Variants in SLC22A24 observed in about 807,000 individuals in gnomAD.
SLC22A24 encodes the protein solute carrier family 22 member 24.
Under a neutral mutation model 49.8 loss-of-function variants are expected in SLC22A24, and 53 were observed. The ratio of observed to expected loss-of-function variants is 1.06; its 90% CI spans 0.85 to 1.34. SLC22A24 has a LOEUF of 1.34. SLC22A24 is among the 40% of genes most tolerant of loss of function. The pLI is 0.00. For missense variants in SLC22A24, 786 were observed against 675.9 expected (o/e 1.16, Z -1.81); for synonymous variants, 302 against 256.4 (o/e 1.18, Z -1.70).
intron 1 of SLC22A24, among the ~76,000 whole-genome samples, chr11:63,143,039 A>G (rs1055030998): frequency 6.6e-6 from 1 of 152,236 alleles, no homozygotes; most frequent in Non-Finnish European, 1.5e-5. Flanking sequence ...GTGGATATTT[A>G]TGTTACAGAA....
chr11:63,123,247 G>C (rs1372877985), intron 2 of SLC22A24, among the ~76,000 whole-genome samples: 1 of 152,108 alleles, frequency 6.6e-6, no homozygotes, highest in African/African-American at 2.4e-5. Flanking sequence ...GGGTAACTTT[G>C]AAACCTGAAA....
At chr11:63,090,850 C>T (rs913106190) in intron 6 of SLC22A24, among the ~76,000 whole-genome samples, 2 of 151,940 alleles carry the variant, frequency 1.3e-5, no homozygotes, top group African/African-American at 4.8e-5. Flanking sequence ...AACTGACATT[C>T]TAATATCACA....
rs146371073 is a variant in SLC22A24 at position 63,117,417 on chromosome 11, T to C, written c.830+1495A>G. Among the ~76,000 whole-genome samples, 242 of 152,306 alleles carry C rather than the reference T, an allele frequency of 1.6e-3. 6 individuals carry two copies. Among genetic ancestry groups the C allele is most frequent in the East Asian group, 0.013 (65 of 5,180 alleles). ...TCTTTATTGAGAGGCTCTGAGTATG[T>C]GACACTCAGTCAGGCAGTTTACATC... On this transcript the variant is annotated intron_variant, in intron 4 of 9. Coordinates refer to ENST00000612278, the MANE Select transcript of SLC22A24 (RefSeq NM_001136506.2).
chr11:63,107,359 G>A (rs2087128430), intron 4 of SLC22A24, among the ~76,000 whole-genome samples: 1 of 152,154 alleles, frequency 6.6e-6, no homozygotes, highest in Admixed American at 6.6e-5. Flanking sequence ...TTGAAGTCAG[G>A]TAGTGTGATG....
intron 1 of SLC22A24, among the ~76,000 whole-genome samples, chr11:63,140,070 T>G (rs2087403888): frequency 8.7e-6 from 1 of 115,196 alleles, no homozygotes; most frequent in Non-Finnish European, 1.8e-5. Context: ...TTTTTTTGTT[T>G]TTTTGTTTTT....
In SLC22A24 at chr11:63,079,951, T is replaced by C; in HGVS notation, c.1648A>G (p.Thr550Ala). The C allele has an allele frequency of 6.5e-7, 1 of 1,544,546 alleles. No homozygotes were observed. Among genetic ancestry groups the C allele is most frequent in the African/African-American group, 1.4e-5 (1 of 73,042 alleles). ...IKQEDTCMKVTQF is the reference protein window; with the variant it reads ...IKQEDTCMKVAQF ...GTCTTGGGAATCTCTTAAAACTGTG[T>C]TACTTTCATGCAAGTATCTTCCTGC... Residue 550 changes from threonine (T) to alanine (A), a missense_variant, in exon 10 of 10, where the codon ACA becomes GCA. Transcript: ENST00000612278.
At chr11:63,105,659 C>G (rs1392158477) in intron 4 of SLC22A24, among the ~76,000 whole-genome samples, 4 of 152,090 alleles carry the variant, frequency 2.6e-5, no homozygotes, top group Non-Finnish European at 5.9e-5. Flanking sequence ...GCAGGGGTCC[C>G]TTGGTTTAGC....
intron 5 of SLC22A24, among the ~76,000 whole-genome samples, chr11:63,099,697 T>C (rs887360502): frequency 1.3e-5 from 2 of 152,034 alleles, no homozygotes; most frequent in East Asian, 1.9e-4. Context: ...CAAGCCAATT[T>C]CAATGACACG....
intron 2 of SLC22A24, among the ~76,000 whole-genome samples, chr11:63,124,485 A>G (rs1396642073): frequency 6.6e-6 from 1 of 152,218 alleles, no homozygotes; most frequent in Non-Finnish European, 1.5e-5. Flanking sequence ...TTTGTTAGAA[A>G]TGCAGAAGTT....
chr11:63,114,940 T>C (rs2087201050), intron 4 of SLC22A24, among the ~76,000 whole-genome samples: 1 of 152,164 alleles, frequency 6.6e-6, no homozygotes, highest in South Asian at 2.1e-4. Flanking sequence ...GGAAGCTTCG[T>C]CTCAGAAGGG....
intron 6 of SLC22A24, among the ~76,000 whole-genome samples, chr11:63,088,040 A>G (rs1369795519): frequency 6.6e-6 from 1 of 152,312 alleles, no homozygotes; most frequent in East Asian, 1.9e-4. Flanking sequence ...TGATCCTGAC[A>G]AGAGTGATTC....
intron 4 of SLC22A24, 140 bp from the exon 5 acceptor site, chr11:63,104,438 T>A (rs1019992066): frequency 1.3e-6 from 1 of 794,174 alleles, no homozygotes; most frequent in Non-Finnish European, 1.9e-6. Flanking sequence ...ATTGGCCTCC[T>A]CTGCTGGACT....
At chr11:63,120,728 CCTGTT>C (rs1418766216) in intron 2 of SLC22A24, among the ~76,000 whole-genome samples, 1 of 152,056 alleles carries the variant, frequency 6.6e-6, no homozygotes, top group Non-Finnish European at 1.5e-5. Context: ...GTTTTGGACA[CCTGTT>C]CTGTAATTTT....
chr11:63,102,412 A>G (rs887081098), intron 5 of SLC22A24, among the ~76,000 whole-genome samples: 3 of 152,116 alleles, frequency 2.0e-5, no homozygotes, highest in African/African-American at 7.2e-5. Context: ...AGCCTCTAGG[A>G]TACTCAGATG....
chr11:63,110,852 C>T (rs2087157888), intron 4 of SLC22A24, among the ~76,000 whole-genome samples: 1 of 141,912 alleles, frequency 7.0e-6, no homozygotes, highest in Non-Finnish European at 1.6e-5. Context: ...CCTTCTCCTG[C>T]CTAATTGCCC....
At chr11:63,100,215 T>G (rs939674502) in intron 5 of SLC22A24, among the ~76,000 whole-genome samples, 1 of 152,096 alleles carries the variant, frequency 6.6e-6, no homozygotes, top group Non-Finnish European at 1.5e-5. Context: ...TAAACAAATT[T>G]AGTAAAGTTG....
chr11:63,080,275 A>G (rs2086951579), intron 9 of SLC22A24, among the ~76,000 whole-genome samples: 1 of 152,158 alleles, frequency 6.6e-6, no homozygotes, highest in South Asian at 2.1e-4. Context: ...CGAGAATTGA[A>G]AATTTTAAAG....
rs2135188537 is a variant in SLC22A24 at position 63,079,967 on chromosome 11, A to G, written c.1632T>C (p.Asp544=). 1.3e-6 allele frequency: 2 copies of G among 1,547,054 alleles called. No individual in the cohort carries two copies. The highest frequency in any genetic ancestry group is 1.2e-5 in the South Asian group (1 of 83,946). ...RKDSRNIKQE[D]TCMKVTQF Reference sequence around the variant, plus strand: ...AAAACTGTGTTACTTTCATGCAAGTATCTTCCTGCTTTATGTTTCTTGAAT... The same window carrying G: ...AAAACTGTGTTACTTTCATGCAAGTGTCTTCCTGCTTTATGTTTCTTGAAT... Residue 544 remains aspartate (D), a synonymous_variant, in exon 10 of 10, where the codon GAT becomes GAC. Transcript: ENST00000612278.
At chr11:63,109,677 C>T (rs1187921094) in intron 4 of SLC22A24, among the ~76,000 whole-genome samples, 1 of 151,952 alleles carries the variant, frequency 6.6e-6, no homozygotes, top group Non-Finnish European at 1.5e-5. Context: ...GTCCTTTGCC[C>T]ACTTTTTGAT....
Sources: allele counts gnomAD v4.1 joint callset (sites outside exome capture counted in the v4.1 genomes callset), GRCh38; gene constraint gnomAD v4.1.1; transcripts MANE v1.5; gene names NCBI Gene and HGNC (gene_info 2026-07-23, HGNC 2026-07-21).